The following NBPF9 variants were observed in gnomAD, a reference collection of about 807,000 sequenced individuals.
NBPF9 encodes the protein NBPF member 9, also known as NBPF family member NBPF9.
Under a neutral mutation model 97.8 loss-of-function variants are expected in NBPF9, and 91 were observed. The ratio of observed to expected loss-of-function variants is 0.93; its 90% CI spans 0.79 to 1.11. NBPF9 has a LOEUF of 1.11. Ranked by LOEUF, NBPF9 falls within the 50% of genes least tolerant of loss-of-function variation. The probability of loss-of-function intolerance (pLI) is 0.00; values close to 1 mark genes in which losing one functional copy is unlikely to be tolerated. For synonymous variants in NBPF9, 334 were observed against 359.5 expected (o/e 0.93, Z 0.80); for missense variants, 992 against 939.5 (o/e 1.06, Z -0.73).
exon 7 of NBPF9, chr1:149,082,016 A>G (rs1200683505): frequency 1.2e-6 from 2 of 1,607,388 alleles, no homozygotes; most frequent in African/African-American, 1.4e-5. Context: ...GTTAGAAAAC[A>G]TCTCTCTTTG....
chr1:149,079,052 C>T (rs1297443805), exon 9 of NBPF9: 90 of 1,514,814 alleles, frequency 5.9e-5, no homozygotes, highest in Non-Finnish European at 8.1e-5. Context: ...CTACACCCCT[C>T]AGCCAGCTGT....
intron 4 of NBPF9, among the ~76,000 whole-genome samples, chr1:149,097,534 C>A (rs1290138284): frequency 6.6e-6 from 1 of 152,212 alleles, no homozygotes; most frequent in Non-Finnish European, 1.5e-5. Flanking sequence ...CAGGTGGGGG[C>A]CTCAGCCCCT....
chr1:149,055,974 T>C lies in NBPF9; in HGVS notation c.3093-75A>G, dbSNP rs1357850178. 3.6e-4 allele frequency: 584 copies of C among 1,610,840 alleles called. 3 individuals are homozygous for C. Among genetic ancestry groups the C allele is most frequent in the Admixed American group, 1.1e-3 (66 of 59,870 alleles). ...ACAGAGCCCCACTAGATTTCAGAAG[T>C]AACATAAGGAAGTGGTTAGAAAAGA... On this transcript the variant is annotated intron_variant, in intron 29 of 29. Coordinates refer to ENST00000584027, the Ensembl canonical transcript of NBPF9.
rs1275772306 is a variant in NBPF9 at position 149,082,197 on chromosome 1, T to C, written c.-35-23A>G. 8.4e-5 allele frequency: 134 copies of C among 1,599,426 alleles called. No individual in the cohort carries two copies. The South Asian group carries it at 1.3e-3, about 16-fold the overall frequency. The stretch of plus-strand genomic sequence containing the variant: ...GGACTGGGGAGAAGAAACCCAAACA[T>C]ATGATGGGTTAAAAACTGGTGAAAT... On this transcript the variant is annotated intron_variant, in intron 6 of 29. Transcript: ENST00000584027.
At chr1:149,088,553 G>T (rs1368204574) in intron 5 of NBPF9, among the ~76,000 whole-genome samples, 1 of 152,074 alleles carries the variant, frequency 6.6e-6, no homozygotes, top group African/African-American at 2.4e-5. Context: ...TGCCATTAAT[G>T]GGGTTGGAAG....
downstream of NBPF9, among the ~76,000 whole-genome samples, chr1:149,052,642 GTA>G (rs1177635129): frequency 4.4e-4 from 66 of 149,894 alleles, no homozygotes; most frequent in Middle Eastern, 0.01. Flanking sequence ...GCAAATTCAT[GTA>G]TATATATACA....
exon 14 of NBPF9, chr1:149,072,765 G>A: frequency 6.3e-7 from 1 of 1,596,224 alleles, no homozygotes; most frequent in Non-Finnish European, 8.6e-7. Flanking sequence ...ACACCCCTCA[G>A]CCAGCTGTTC....
exon 30 of NBPF9, chr1:149,055,499 G>C: frequency 1.3e-6 from 2 of 1,512,876 alleles, no homozygotes; most frequent in South Asian, 2.6e-5. Flanking sequence ...ACTGAGCACA[G>C]GTTGCCACTG....
At chr1:149,075,952 C>T (rs1294385463) in intron 11 of NBPF9, 88 bp from the exon 12 acceptor site, 1 of 1,019,712 alleles carries the variant, frequency 9.8e-7, no homozygotes, top group Non-Finnish European at 1.6e-6. Context: ...TCACTGGCAG[C>T]CTTGTTTACT....
rs1282746988 is a variant in NBPF9 at position 149,059,966 on chromosome 1, T to C, written c.2477-158A>G. 10 of 417,982 alleles carry C rather than the reference T, an allele frequency of 2.4e-5. 2 individuals carry two copies. Among genetic ancestry groups the C allele is most frequent in the African/African-American group, 1.3e-4 (5 of 37,046 alleles). 25.9% of individuals were successfully genotyped at this position (417,982 alleles called of 1,614,324 possible). The stretch of plus-strand genomic sequence containing the variant: ...CAGGAGGCCTGAAGGCTGGTTATGA[T>C]AGAAATTCCTCAGTTTTTCTCCCAG... On this transcript the variant is annotated intron_variant, in intron 24 of 29. Transcript: ENST00000584027.
intron 7 of NBPF9, 116 bp from the exon 8 acceptor site, chr1:149,080,271 G>T (rs76957223): frequency 6.2e-6 from 4 of 643,888 alleles, no homozygotes; most frequent in East Asian, 2.6e-5. Flanking sequence ...CAGTACCAGG[G>T]TCTAGACAGG....
rs587608440 is a variant in NBPF9, at chr1:149,076,757, C to G, written c.778+451G>C. On this transcript the variant is annotated intron_variant, in intron 11 of 29. Transcript: ENST00000584027. ...TCTCCTGACCTCCTGATCCACCCAC[C>G]TCGGCCTCCCAAAGTGCTCGGATTA... is the stretch of plus-strand genomic sequence containing the variant. Among the ~76,000 whole-genome samples the G allele has an allele frequency of 6.6e-4, 99 of 150,786 alleles. 1 individual carries two copies. Among genetic ancestry groups the G allele is most frequent in the African/African-American group, 2.4e-3 (98 of 41,318 alleles).
At chr1:149,064,967 G>C (rs587675360) in intron 18 of NBPF9, 7,948 of 533,712 alleles carry the variant, frequency 0.015, 449 homozygotes, top group African/African-American at 0.14. Flanking sequence ...TGGGTGAAAA[G>C]TCAGCCATTT....
chr1:149,064,577 T>A (rs1174869431), intron 18 of NBPF9, 95 bp from the exon 19 acceptor site: 11 of 759,514 alleles, frequency 1.4e-5, no homozygotes, highest in Non-Finnish European at 2.6e-5. Context: ...GGGACATCAG[T>A]CTTGTCAGTG....
At position 149,080,037 on chromosome 1, in the gene NBPF9, C is replaced by G. The variant is rs1424497214; in HGVS notation, c.278+16G>C. 1.1e-5 allele frequency: 16 copies of G among 1,470,812 alleles called. No homozygotes were observed. The highest frequency in any genetic ancestry group is 3.5e-5 in the South Asian group (3 of 85,012). 91.1% of individuals were successfully genotyped at this position (1,470,812 alleles called of 1,614,324 possible). Reference sequence around the variant, plus strand: ...ACACACCTACCCGCCTGCCTCCCCCCACGGGGTCCCCTCACCTGAGCTCCT... The same window carrying G: ...ACACACCTACCCGCCTGCCTCCCCCGACGGGGTCCCCTCACCTGAGCTCCT... On this transcript the variant is annotated intron_variant, in intron 8 of 29. Coordinates refer to ENST00000584027, the Ensembl canonical transcript of NBPF9.
intron 5 of NBPF9, among the ~76,000 whole-genome samples, chr1:149,088,210 G>T (rs1392966471): frequency 6.6e-6 from 1 of 152,258 alleles, no homozygotes; most frequent in Non-Finnish European, 1.5e-5. Context: ...TTTTCCAAAT[G>T]CTCATTGCTA....
At chr1:149,065,211 TGACA>T in intron 18 of NBPF9, 1 of 695,894 alleles carries the variant, frequency 1.4e-6, no homozygotes, top group Non-Finnish European at 2.6e-6. Flanking sequence ...TGAGCTGATC[TGACA>T]GACAACTCCT....
chr1:149,064,563 C>T (rs1307062139), intron 18 of NBPF9, 81 bp from the exon 19 acceptor site: 11 of 857,418 alleles, frequency 1.3e-5, no homozygotes, highest in Admixed American at 1.0e-4. Flanking sequence ...CCAATCCTAA[C>T]ACAGGGACAT....
chr1:149,076,246 G>C (rs1553654293), intron 11 of NBPF9, among the ~76,000 whole-genome samples: 1 of 151,304 alleles, frequency 6.6e-6, no homozygotes, highest in Non-Finnish European at 1.5e-5. Context: ...CACGCAGGCT[G>C]AAGTGCAGAG....
Sources: gnomAD v4.1 joint callset for allele counts (sites outside exome capture counted in the v4.1 genomes callset) on GRCh38, gnomAD v4.1.1 for gene constraint, MANE v1.5 for transcripts, NCBI Gene and HGNC (gene_info 2026-07-23, HGNC 2026-07-21) for gene names.